The following CBR4 variants were observed in gnomAD, a reference collection of about 807,000 sequenced individuals.
The protein encoded by CBR4 is carbonyl reductase 4.
A neutral mutation model predicts 21.0 loss-of-function variants in CBR4; 22 were observed. That is an observed-to-expected ratio of 1.05 (90% confidence interval 0.75 to 1.50). The LOEUF (loss-of-function observed/expected upper bound fraction) is 1.50. Ranked by LOEUF, CBR4 falls within the 40% of genes most tolerant of loss-of-function variation. The pLI is 0.00. For missense variants in CBR4, 302 were observed against 286.3 expected (o/e 1.05, Z -0.40); for synonymous variants, 100 against 104.4 (o/e 0.96, Z 0.26).
chr4:168,899,415 T>G (rs913248882), intron 2 of CBR4, among the ~76,000 whole-genome samples: 1 of 152,054 alleles, frequency 6.6e-6, no homozygotes, highest in African/African-American at 2.4e-5. Context: ...AGGGAAAAAA[T>G]TAAAACCCCT....
At chr4:168,897,205 A>G (rs1169773905) in intron 2 of CBR4, among the ~76,000 whole-genome samples, 1 of 152,108 alleles carries the variant, frequency 6.6e-6, no homozygotes, top group Non-Finnish European at 1.5e-5. Flanking sequence ...TTTGTTATAT[A>G]TACCTTTCTA....
chr4:168,925,147 GCAAAT>G, intron 2 of CBR4: 1 of 1,587,950 alleles, frequency 6.3e-7, no homozygotes, highest in Non-Finnish European at 8.6e-7. Context: ...CATCTGGACA[GCAAAT>G]CACATTACTC....
downstream of CBR4, among the ~76,000 whole-genome samples, chr4:168,986,467 T>C (rs1194725762): frequency 1.3e-5 from 2 of 152,236 alleles, no homozygotes; most frequent in Non-Finnish European, 2.9e-5. Context: ...GTTGCAATTT[T>C]ATATGTGTGT....
chr4:168,897,650 C>A (rs1319692376), intron 2 of CBR4, among the ~76,000 whole-genome samples: 1 of 152,104 alleles, frequency 6.6e-6, no homozygotes, highest in African/African-American at 2.4e-5. Context: ...TGGGGTCTCA[C>A]TTTGTTGCCC....
At chr4:168,949,163 G>C (rs1271124630) in intron 2 of CBR4, among the ~76,000 whole-genome samples, 3 of 152,054 alleles carry the variant, frequency 2.0e-5, no homozygotes, top group Non-Finnish European at 2.9e-5. Flanking sequence ...TTGATTCTCT[G>C]CTTGGTTGTT....
At chr4:168,905,790 C>CTTTTTTTTT (rs59427697) in intron 2 of CBR4, among the ~76,000 whole-genome samples, 2,252 of 113,150 alleles carry the variant, frequency 0.02, 3 homozygotes, top group African/African-American at 0.026. Flanking sequence ...GCTTTTTTTT[C>CTTTTTTTTT]TTTTTTTTTT....
At chr4:168,969,189 T>C (rs1764131465) in intron 2 of CBR4, among the ~76,000 whole-genome samples, 1 of 152,188 alleles carries the variant, frequency 6.6e-6, no homozygotes, top group African/African-American at 2.4e-5. Flanking sequence ...ATAGATTCCT[T>C]TGAGAAAGGT....
At chr4:169,004,275 T>C (rs902683807) in intron 3 of CBR4, among the ~76,000 whole-genome samples, 1 of 150,740 alleles carries the variant, frequency 6.6e-6, no homozygotes, top group Non-Finnish European at 1.5e-5. Flanking sequence ...GTATTTACAT[T>C]TTTTTTAGAT....
At chr4:168,901,914 ATAATT>A (rs1756611352) in intron 2 of CBR4, among the ~76,000 whole-genome samples, 1 of 152,202 alleles carries the variant, frequency 6.6e-6, no homozygotes, top group South Asian at 2.1e-4. Flanking sequence ...GATACTTTAC[ATAATT>A]TAAGTTTTAC....
Position 168,961,239 on chromosome 4 carries a change from A to T in CBR4, n.169+40832T>A, listed in dbSNP as rs546020020. Among the ~76,000 whole-genome samples the T allele has an allele frequency of 9.2e-5, 14 of 152,332 alleles. No individual in the cohort carries two copies. The South Asian group carries it at 1.2e-3, about 14-fold the overall frequency. On this transcript the variant is annotated intron_variant and non_coding_transcript_variant, in intron 2 of 3. Transcript: ENST00000509108. ...AGATTCAGATTTAAACAAGGAGCTA[A>T]GTGCCAAGTTTTCATCCCTATGCCA...
intron 2 of CBR4, among the ~76,000 whole-genome samples, chr4:168,950,269 G>A (rs200004221): frequency 1.1e-4 from 17 of 152,150 alleles, no homozygotes; most frequent in Admixed American, 5.2e-4. Context: ...TCTTAGCACC[G>A]CCTTTGCCGT....
At chr4:168,904,599 T>C (rs944319094) in intron 2 of CBR4, among the ~76,000 whole-genome samples, 1 of 152,122 alleles carries the variant, frequency 6.6e-6, no homozygotes, top group African/African-American at 2.4e-5. Context: ...AAAGTTATTT[T>C]GTACCTTAAG....
chr4:168,959,290 T>C (rs547193993), intron 2 of CBR4, among the ~76,000 whole-genome samples: 2 of 152,192 alleles, frequency 1.3e-5, no homozygotes, highest in Non-Finnish European at 2.9e-5. Flanking sequence ...TCAAAGTCTT[T>C]CCTTTTCTTC....
intron 2 of CBR4, chr4:168,924,149 G>T (rs978894075): frequency 9.3e-6 from 9 of 964,086 alleles, no homozygotes; most frequent in Middle Eastern, 3.0e-4. Flanking sequence ...AGTAAAAAAT[G>T]GTATCATAAA....
intron 2 of CBR4, among the ~76,000 whole-genome samples, chr4:168,908,339 A>G (rs552741267): frequency 2.0e-5 from 3 of 152,332 alleles, no homozygotes; most frequent in Non-Finnish European, 2.9e-5. Flanking sequence ...AACTCTTGGC[A>G]TAAGTTACCA....
At chr4:168,971,725 T>C (rs1015243585) in intron 2 of CBR4, among the ~76,000 whole-genome samples, 1 of 152,218 alleles carries the variant, frequency 6.6e-6, no homozygotes, top group Admixed American at 6.5e-5. Context: ...TTTCTGAATA[T>C]TTTCTCCCAC....
At chr4:168,905,006 A>G (rs1182252068) in intron 2 of CBR4, among the ~76,000 whole-genome samples, 1 of 151,978 alleles carries the variant, frequency 6.6e-6, no homozygotes, top group African/African-American at 2.4e-5. Context: ...AGGCACCTGT[A>G]ATCCCAGCTA....
chr4:168,928,112 C>A, intron 2 of CBR4: 1 of 194,222 alleles, frequency 5.1e-6, no homozygotes, highest in Non-Finnish European at 1.1e-5. Context: ...GGCAGATGTT[C>A]TATGCAGTGT....
chr4:168,975,276 C>A (rs1005072756), intron 2 of CBR4, among the ~76,000 whole-genome samples: 3 of 152,202 alleles, frequency 2.0e-5, no homozygotes, highest in Non-Finnish European at 4.4e-5. Context: ...GTCTCCCAGC[C>A]ATGGATACCA....
Sources: allele counts gnomAD v4.1 joint callset (sites outside exome capture counted in the v4.1 genomes callset), GRCh38; gene constraint gnomAD v4.1.1; transcripts MANE v1.5; gene names NCBI Gene and HGNC (gene_info 2026-07-23, HGNC 2026-07-21).